ATP13A4: variants seen among roughly 807,000 people sequenced by gnomAD.
ATP13A4 encodes probable cation-transporting ATPase 13A4.
In ATP13A4, 114 loss-of-function variants were observed where a neutral mutation model predicts 142.5. The observed-to-expected ratio is 0.80, with a 90% CI of 0.69 to 0.93. ATP13A4 has a LOEUF of 0.93. Among genes scored for constraint, ATP13A4 ranks in the 40% least tolerant of loss-of-function variants. The pLI, the probability that ATP13A4 is intolerant of heterozygous loss-of-function variation, is 0.00. For missense variants in ATP13A4, 1,392 were observed against 1,454.0 expected (o/e 0.96, Z 0.69); for synonymous variants, 488 against 514.8 (o/e 0.95, Z 0.70).
In ATP13A4 at chr3:193,502,540, C is replaced by A. The variant is rs371285282; in HGVS notation, c.334G>T (p.Asp112Tyr). Residue 112 changes from aspartate (D) to tyrosine (Y), a missense_variant, in exon 3 of 30, where the codon GAT (aspartate) becomes TAT (tyrosine). Transcript: ENST00000342695. Reference sequence around the variant, plus strand: ...GCTCTATTTATGATATACTCCTCATCTGTCATGAGAGGGTGGTCAGGAGTG... The same window carrying A: ...GCTCTATTTATGATATACTCCTCATATGTCATGAGAGGGTGGTCAGGAGTG... ...GLTPDHPLMTDEEYIINRAIR... is the reference protein window; with the variant it reads ...GLTPDHPLMTYEEYIINRAIR... 5.0e-6 allele frequency: 8 copies of A among 1,613,844 alleles called. No individual in the cohort carries two copies. Among genetic ancestry groups the A allele is most frequent in the African/African-American group, 1.3e-5 (1 of 74,904 alleles).
intron 2 of ATP13A4, among the ~76,000 whole-genome samples, chr3:193,575,199 T>C (rs1577086781): frequency 1.3e-5 from 2 of 152,184 alleles, no homozygotes. Flanking sequence ...CAATAGATAA[T>C]TGGAAGTTTC....
At chr3:193,583,913 G>T (rs1287656328) in intron 1 of ATP13A4, among the ~76,000 whole-genome samples, 1 of 152,118 alleles carries the variant, frequency 6.6e-6, no homozygotes, top group African/African-American at 2.4e-5. Flanking sequence ...AAATATAGAA[G>T]ATTTCTAAAC....
At chr3:193,506,099 A>AT (rs1560240474) in intron 2 of ATP13A4, among the ~76,000 whole-genome samples, 1 of 152,166 alleles carries the variant, frequency 6.6e-6, no homozygotes, top group Non-Finnish European at 1.5e-5. Flanking sequence ...GTAGGAACTT[A>AT]TTCTCCCTTT....
At chr3:193,403,115 T>C (rs1714332699) in intron 29 of ATP13A4, among the ~76,000 whole-genome samples, 1 of 152,224 alleles carries the variant, frequency 6.6e-6, no homozygotes, top group African/African-American at 2.4e-5. Context: ...TAACTTGAAA[T>C]GGCTTGCCTC....
chr3:193,582,511 TTAA>T (rs1244700835), intron 1 of ATP13A4, among the ~76,000 whole-genome samples: 1 of 141,582 alleles, frequency 7.1e-6, no homozygotes, highest in Non-Finnish European at 1.5e-5. Flanking sequence ...TAAGTATACA[TTAA>T]TAATATATGT....
At chr3:193,404,960 G>T (rs1714420788) in intron 29 of ATP13A4, among the ~76,000 whole-genome samples, 1 of 152,094 alleles carries the variant, frequency 6.6e-6, no homozygotes, top group South Asian at 2.1e-4. Context: ...TAAAGGTGGG[G>T]GCAATTAAAG....
At chr3:193,405,039 G>A (rs1005568742) in intron 29 of ATP13A4, among the ~76,000 whole-genome samples, 1 of 152,178 alleles carries the variant, frequency 6.6e-6, no homozygotes, top group African/African-American at 2.4e-5. Context: ...GTAAGGATAA[G>A]GTCCTGCTCA....
At chr3:193,482,263 G>GA (rs1295903806) in intron 8 of ATP13A4, among the ~76,000 whole-genome samples, 3 of 150,320 alleles carry the variant, frequency 2.0e-5, no homozygotes, top group South Asian at 2.1e-4. Flanking sequence ...ACCCTCAATC[G>GA]AAAAAAAACA....
intron 2 of ATP13A4, among the ~76,000 whole-genome samples, chr3:193,509,531 C>A (rs374899067): frequency 1.3e-5 from 2 of 152,174 alleles, no homozygotes; most frequent in Admixed American, 6.5e-5. Flanking sequence ...TTTGTATCCT[C>A]ATCTGTAAAA....
intron 25 of ATP13A4, among the ~76,000 whole-genome samples, chr3:193,424,640 A>G (rs1490857008): frequency 1.3e-5 from 2 of 149,652 alleles, no homozygotes; most frequent in Non-Finnish European, 3.0e-5. Flanking sequence ...AATGAACTAG[A>G]CCCCTATCTC....
At position 193,514,858 on chromosome 3, in the gene ATP13A4, T is replaced by G. The variant is rs1285993594; in HGVS notation, c.74A>C (p.Tyr25Ser). The change falls in exon 2 of 30, where the codon TAT becomes TCT. Residue 25 changes from tyrosine (Y) to serine (S), a missense_variant. Physicochemically the swap from Tyr to Ser is moderately radical, Grantham distance 144. Transcript: ENST00000342695. The stretch of plus-strand genomic sequence containing the variant: ...ACTTTTCCGGCAGCCTTGAGTCCGA[T>G]AGCCAAATATCTCCTGGGACAGAAT... ...GEENEMEIFG[Y>S]RTQGCRKSLC... The G allele has an allele frequency of 1.9e-6, 3 of 1,614,050 alleles. No individual in the cohort carries two copies. The highest frequency in any genetic ancestry group is 2.5e-6 in the Non-Finnish European group (3 of 1,180,000).
At chr3:193,562,367 C>T (rs902710108) in intron 2 of ATP13A4, among the ~76,000 whole-genome samples, 3 of 152,206 alleles carry the variant, frequency 2.0e-5, no homozygotes, top group African/African-American at 7.2e-5. Flanking sequence ...TTATAGAATG[C>T]TATTATTATA....
At chr3:193,462,571 G>C (rs1718015116) in intron 13 of ATP13A4, among the ~76,000 whole-genome samples, 191 bp downstream of exon 13, 1 of 152,096 alleles carries the variant, frequency 6.6e-6, no homozygotes, top group Non-Finnish European at 1.5e-5. Flanking sequence ...GGGTTGGGAT[G>C]GGGGGAAATG....
At chr3:193,496,676 A>G (rs1198706519) in intron 3 of ATP13A4, among the ~76,000 whole-genome samples, 1 of 152,126 alleles carries the variant, frequency 6.6e-6, no homozygotes, top group African/African-American at 2.4e-5. Flanking sequence ...CTGTAATCCC[A>G]GCTGCTCAGG....
chr3:193,403,767 C>T, intron 29 of ATP13A4: 1 of 984,950 alleles, frequency 1.0e-6, no homozygotes, highest in South Asian at 4.7e-5. Flanking sequence ...CATGTTTGCT[C>T]ACAAAGATTG....
At chr3:193,486,747 G>A (rs916843043) in intron 7 of ATP13A4, among the ~76,000 whole-genome samples, 7 of 152,264 alleles carry the variant, frequency 4.6e-5, no homozygotes, top group African/African-American at 1.7e-4. Flanking sequence ...AAATTTGAAA[G>A]CTATTAGCAT....
chr3:193,537,973 T>C (rs1200530298), intron 1 of ATP13A4, among the ~76,000 whole-genome samples: 2 of 152,120 alleles, frequency 1.3e-5, no homozygotes, highest in Non-Finnish European at 2.9e-5. Context: ...AGGAAAGAGA[T>C]GTAGCTATAA....
intron 2 of ATP13A4, among the ~76,000 whole-genome samples, chr3:193,561,142 T>G (rs1348137243): frequency 6.6e-6 from 1 of 152,162 alleles, no homozygotes; most frequent in Admixed American, 6.5e-5. Flanking sequence ...ACCTCAGGCT[T>G]GGGAATGAGG....
chr3:193,490,233 T>A (rs1347557012), intron 6 of ATP13A4, among the ~76,000 whole-genome samples: 1 of 152,204 alleles, frequency 6.6e-6, no homozygotes, highest in Non-Finnish European at 1.5e-5. Flanking sequence ...TGCCTCACTT[T>A]ATAATTTACA....
Sources: allele counts gnomAD v4.1 joint callset (sites outside exome capture counted in the v4.1 genomes callset), GRCh38; gene constraint gnomAD v4.1.1; transcripts MANE v1.5; gene names NCBI Gene and HGNC (gene_info 2026-07-23, HGNC 2026-07-21).